Variants in MYO16 observed in about 807,000 individuals in gnomAD.
MYO16 encodes myosin XVI, also known as unconventional myosin-XVI.
In MYO16, 94 loss-of-function variants were observed where a neutral mutation model predicts 205.3. The observed-to-expected ratio is 0.46, with a 90% confidence interval of 0.39 to 0.54. MYO16 has a LOEUF of 0.54. MYO16 is among the 20% of genes least tolerant of loss of function. The pLI is 0.00. For missense variants in MYO16, 2,315 were observed against 2,387.5 expected (o/e 0.97, Z 0.63); for synonymous variants, 988 against 954.0 (o/e 1.04, Z -0.66).
At chr13:108,780,968 G>T (rs558428370) in intron 4 of MYO16, among the ~76,000 whole-genome samples, 8 of 152,280 alleles carry the variant, frequency 5.3e-5, no homozygotes, top group African/African-American at 1.4e-4. Flanking sequence ...CACGCTTCAG[G>T]TGCAGAATTT....
intron 33 of MYO16, among the ~76,000 whole-genome samples, chr13:109,168,906 C>T (rs1209208474): frequency 6.6e-6 from 1 of 152,032 alleles, no homozygotes; most frequent in Non-Finnish European, 1.5e-5. Flanking sequence ...TCGGTATGGT[C>T]AATATGTGGC....
At chr13:108,763,320 T>C (rs1885670690) in intron 4 of MYO16, among the ~76,000 whole-genome samples, 1 of 152,192 alleles carries the variant, frequency 6.6e-6, no homozygotes, top group South Asian at 2.1e-4. Context: ...TTCAGTGAGT[T>C]CTGTGATGGA....
At position 108,947,470 on chromosome 13, in the gene MYO16, C is replaced by G. The variant is rs76358538; in HGVS notation, c.1926-10218C>G. 4.9e-4 allele frequency among the ~76,000 whole-genome samples: 75 copies of G among 152,358 alleles called. 3 individuals are homozygous for G. In the East Asian group the frequency reaches 0.013, roughly 26 times the overall value. ...TGAGTTGTTAAACTAATCCTACCAT[C>G]TTCGAGGCCAGGCCAACCCACACTT... On this transcript the variant is annotated intron_variant, in intron 16 of 34. Transcript: ENST00000457511.
chr13:108,548,585 G>A, the MYO16 span, among the ~76,000 whole-genome samples: 4 of 151,916 alleles, frequency 2.6e-5, no homozygotes, highest in Admixed American at 2.0e-4. Context: ...AATGATGGTG[G>A]TGGTGGTGGT....
At chr13:109,092,228 CT>C (rs1888645442) in intron 27 of MYO16, among the ~76,000 whole-genome samples, 1 of 152,144 alleles carries the variant, frequency 6.6e-6, no homozygotes, top group Non-Finnish European at 1.5e-5. Context: ...TAAACATTAG[CT>C]TGAAAAACAT....
chr13:109,015,517 G>T (rs1885777609), intron 22 of MYO16, among the ~76,000 whole-genome samples: 1 of 152,102 alleles, frequency 6.6e-6, no homozygotes, highest in African/African-American at 2.4e-5. Flanking sequence ...CTATTGATTG[G>T]AATAGTTTTA....
intron 32 of MYO16, among the ~76,000 whole-genome samples, chr13:109,152,288 G>A (rs186719834): frequency 4.6e-5 from 7 of 152,234 alleles, no homozygotes; most frequent in Admixed American, 2.6e-4. Flanking sequence ...CCTTGATTTC[G>A]GAGATAGGAG....
intron 21 of MYO16, among the ~76,000 whole-genome samples, chr13:108,996,423 G>C (rs1295115376): frequency 6.6e-6 from 1 of 151,966 alleles, no homozygotes; most frequent in Non-Finnish European, 1.5e-5. Flanking sequence ...ATGTATAAAA[G>C]CTATAATTAA....
At position 109,069,469 on chromosome 13, in the gene MYO16, A is replaced by G. The variant is rs147449507; in HGVS notation, c.3335+13874A>G. 1.1e-3 allele frequency among the ~76,000 whole-genome samples: 165 copies of G among 152,266 alleles called. 1 individual carries two copies. Among genetic ancestry groups the G allele is most frequent in the African/African-American group, 3.9e-3 (160 of 41,550 alleles). On this transcript the variant is annotated intron_variant, in intron 27 of 34. Coordinates refer to ENST00000457511, the MANE Select transcript of MYO16 (RefSeq NM_001198950.3). ...AGCCTGCTTGGGCTGCCATATCAAA[A>G]TAACAGACTAGATGGCTTAAAAAAC...
intron 1 of MYO16, among the ~76,000 whole-genome samples, chr13:108,659,691 A>T (rs774583144): frequency 5.9e-5 from 9 of 152,148 alleles, no homozygotes; most frequent in Non-Finnish European, 1.0e-4. Flanking sequence ...TAAGTGCTGG[A>T]TTAGGTCCTA....
At chr13:108,864,504 A>G (rs1046509336) in intron 11 of MYO16, among the ~76,000 whole-genome samples, 1 of 152,100 alleles carries the variant, frequency 6.6e-6, no homozygotes, top group Non-Finnish European at 1.5e-5. Flanking sequence ...AAGGGATACA[A>G]CATGAGTTTT....
chr13:108,823,046 C>A, intron 8 of MYO16, 79 bp from the exon 9 acceptor site: 2 of 1,312,490 alleles, frequency 1.5e-6, no homozygotes, highest in South Asian at 2.9e-5. Context: ...TTAAGCATAT[C>A]GGAATTATTG....
intron 21 of MYO16, among the ~76,000 whole-genome samples, chr13:108,995,307 G>A (rs1884966077): frequency 6.6e-6 from 1 of 152,018 alleles, no homozygotes. Flanking sequence ...ATCTCACTCG[G>A]GATGGTGGCG....
the MYO16 span, among the ~76,000 whole-genome samples, chr13:108,506,899 A>G: frequency 2.0e-5 from 3 of 152,128 alleles, no homozygotes; most frequent in African/African-American, 7.2e-5. Context: ...CCATGAAAAT[A>G]TGTTGAATTT....
chr13:108,838,639 G>A (rs1322372676), intron 9 of MYO16, among the ~76,000 whole-genome samples: 1 of 146,034 alleles, frequency 6.8e-6, no homozygotes, highest in Non-Finnish European at 1.5e-5. Context: ...CTGCACTCCA[G>A]CCTGGGTGAC....
chr13:108,913,827 G>A (rs550929383), intron 16 of MYO16, among the ~76,000 whole-genome samples: 191 of 152,274 alleles, frequency 1.3e-3, no homozygotes, highest in Non-Finnish European at 2.5e-3. Context: ...CTGAGTCTTG[G>A]CCAATCCCAG....
chr13:108,677,335 GTATA>G lies in MYO16; in HGVS notation c.292+11202_292+11205del, dbSNP rs747613453. ...TGCATGTGTGTGTGTGTGTGTGTGT[GTATA>G]TATATATATATATATGCATATATAT... On this transcript the variant is annotated intron_variant, in intron 2 of 34. Transcript: ENST00000457511. Among the ~76,000 whole-genome samples, 480 of 87,448 alleles carry G rather than the reference GTATA, an allele frequency of 5.5e-3. 5 individuals carry two copies. The highest frequency in any genetic ancestry group is 0.023 in the African/African-American group (454 of 19,824). 57.4% of individuals were successfully genotyped at this position (87,448 alleles called of 152,430 possible). A position where few individuals can be genotyped will look rare whatever the true frequency, so the allele number is the denominator to read the frequency against.
At chr13:109,067,352 C>A (rs1431838125) in intron 27 of MYO16, among the ~76,000 whole-genome samples, 1 of 152,254 alleles carries the variant, frequency 6.6e-6, no homozygotes, top group Non-Finnish European at 1.5e-5. Context: ...ATTTAATCCT[C>A]ATAGCACTCG....
At chr13:108,902,947 A>G (rs58958752) in intron 15 of MYO16, among the ~76,000 whole-genome samples, 18,461 of 152,196 alleles carry the variant, frequency 0.12, 1,970 homozygotes, top group African/African-American at 0.27. Flanking sequence ...GAGTAACGTG[A>G]TGAAATCTCC....
Sources: gnomAD v4.1 joint callset for allele counts (sites outside exome capture counted in the v4.1 genomes callset) on GRCh38, gnomAD v4.1.1 for gene constraint, MANE v1.5 for transcripts, NCBI Gene and HGNC (gene_info 2026-07-23, HGNC 2026-07-21) for gene names.